The following GPC5 variants were observed in gnomAD, a reference collection of about 807,000 sequenced individuals.
GPC5 encodes glypican-5.
In GPC5, 47 loss-of-function variants were observed where a neutral mutation model predicts 53.9. The ratio of observed to expected loss-of-function variants is 0.87; its 90% CI spans 0.69 to 1.11. GPC5 has a LOEUF of 1.11. GPC5 is among the 50% of genes most tolerant of loss of function. GPC5 has a pLI of 0.00. For synonymous variants in GPC5, 286 were observed against 263.3 expected (o/e 1.09, Z -0.84); for missense variants, 748 against 713.1 (o/e 1.05, Z -0.56).
At chr13:92,214,513 A>G (rs775972439) in intron 7 of GPC5, among the ~76,000 whole-genome samples, 4 of 152,290 alleles carry the variant, frequency 2.6e-5, no homozygotes, top group Admixed American at 6.5e-5. Flanking sequence ...TTCAGATACT[A>G]TTCACTAAGA....
chr13:91,506,027 A>G (rs1884921194), intron 2 of GPC5, among the ~76,000 whole-genome samples: 2 of 152,304 alleles, frequency 1.3e-5, no homozygotes, highest in South Asian at 4.1e-4. Flanking sequence ...ATTATGTGAT[A>G]CGGGTTTGCA....
intron 7 of GPC5, among the ~76,000 whole-genome samples, chr13:92,318,354 A>G (rs7997136): frequency 0.49 from 75,013 of 151,932 alleles, 20,860 homozygotes; most frequent in African/African-American, 0.77. Context: ...TTTCCAACAT[A>G]TCATCACTTA....
At chr13:91,893,425 A>G (rs992511118) in intron 5 of GPC5, among the ~76,000 whole-genome samples, 1 of 152,094 alleles carries the variant, frequency 6.6e-6, no homozygotes, top group African/African-American at 2.4e-5. Flanking sequence ...GCATCTGTCT[A>G]AATCAATCTG....
chr13:92,233,363 G>A (rs1182006165), intron 7 of GPC5, among the ~76,000 whole-genome samples: 1 of 152,196 alleles, frequency 6.6e-6, no homozygotes, highest in East Asian at 1.9e-4. Flanking sequence ...AAATATCTGT[G>A]TATTGAGACT....
intron 7 of GPC5, among the ~76,000 whole-genome samples, chr13:92,417,827 G>A (rs1343261201): frequency 1.3e-5 from 2 of 152,160 alleles, no homozygotes; most frequent in Admixed American, 6.5e-5. Context: ...GGAGGTCGAG[G>A]GTGCGGTGAG....
chr13:92,373,213 C>T (rs935892763), intron 7 of GPC5, among the ~76,000 whole-genome samples: 1 of 152,116 alleles, frequency 6.6e-6, no homozygotes, highest in Non-Finnish European at 1.5e-5. Flanking sequence ...ACCTAGAACA[C>T]ATTCTAGTTT....
At chr13:92,664,548 A>G (rs1886507389) in intron 7 of GPC5, among the ~76,000 whole-genome samples, 1 of 152,134 alleles carries the variant, frequency 6.6e-6, no homozygotes. Flanking sequence ...AAAATTATTG[A>G]GTTAATCAGA....
intron 7 of GPC5, among the ~76,000 whole-genome samples, chr13:92,176,727 G>C (rs2042111382): frequency 6.6e-6 from 1 of 152,090 alleles, no homozygotes; most frequent in South Asian, 2.1e-4. Context: ...GCTAGGCCCA[G>C]TGGTTCCTCA....
chr13:91,758,442 C>A (rs2037341085), intron 5 of GPC5, among the ~76,000 whole-genome samples: 1 of 152,004 alleles, frequency 6.6e-6, no homozygotes, highest in Admixed American at 6.6e-5. Flanking sequence ...TCTGAATCTA[C>A]AGCTGCAAGA....
chr13:92,833,933 GGAT>G, intron 7 of GPC5, among the ~76,000 whole-genome samples: 1 of 152,228 alleles, frequency 6.6e-6, no homozygotes, highest in East Asian at 1.9e-4. Flanking sequence ...GAAGAAGTTT[GGAT>G]TTCATCCAAA....
At chr13:92,698,942 C>T (rs183987591) in intron 7 of GPC5, among the ~76,000 whole-genome samples, 207 of 152,178 alleles carry the variant, frequency 1.4e-3, no homozygotes, top group Non-Finnish European at 2.3e-3. Context: ...CAGGATGATG[C>T]TGGTCTCATC....
At chr13:92,179,762 T>C (rs1228256271) in intron 7 of GPC5, among the ~76,000 whole-genome samples, 1 of 152,234 alleles carries the variant, frequency 6.6e-6, no homozygotes, top group Non-Finnish European at 1.5e-5. Context: ...ATGATTTATA[T>C]GATCATAGAA....
chr13:91,551,919 G>A (rs1478543250), intron 2 of GPC5, among the ~76,000 whole-genome samples: 3 of 151,978 alleles, frequency 2.0e-5, no homozygotes, highest in African/African-American at 7.3e-5. Flanking sequence ...TTTAATACTG[G>A]TTAATATATA....
At chr13:92,092,844 A>T (rs1164536335) in intron 6 of GPC5, among the ~76,000 whole-genome samples, 2 of 152,196 alleles carry the variant, frequency 1.3e-5, no homozygotes, top group East Asian at 3.8e-4. Context: ...TAAGAGTGCC[A>T]TAGGATGTTT....
At chr13:92,670,269 A>G (rs1370562331) in intron 7 of GPC5, among the ~76,000 whole-genome samples, 2 of 152,102 alleles carry the variant, frequency 1.3e-5, no homozygotes, top group African/African-American at 4.8e-5. Flanking sequence ...TGCCAAGGAG[A>G]CGAGGCTTGA....
At chr13:92,466,437 A>AT (rs1288365854) in intron 7 of GPC5, among the ~76,000 whole-genome samples, 1 of 152,104 alleles carries the variant, frequency 6.6e-6, no homozygotes, top group South Asian at 2.1e-4. Flanking sequence ...TCTCAGAGAC[A>AT]TTTTTTCATT....
rs118162574 is a variant in GPC5 at position 92,379,495 on chromosome 13, C to T, written c.1561+234506C>T. The stretch of plus-strand genomic sequence containing the variant: ...CTCTCTGTCCTCTGCACGTTAGTTC[C>T]TCTCTCTGTCCTCTGCATGTTAGTT... On this transcript the variant is annotated intron_variant, in intron 7 of 7. Coordinates refer to ENST00000377067, the MANE Select transcript of GPC5 (RefSeq NM_004466.6). Among the ~76,000 whole-genome samples, 1,874 of 152,246 alleles carry T rather than the reference C, an allele frequency of 0.012. 129 individuals carry two copies. In the South Asian group the frequency reaches 0.15, roughly 12 times the overall value.
At chr13:92,528,592 C>A (rs1881444322) in intron 7 of GPC5, among the ~76,000 whole-genome samples, 1 of 151,898 alleles carries the variant, frequency 6.6e-6, no homozygotes, top group East Asian at 1.9e-4. Context: ...TAGTATATTT[C>A]TTGATGAAGT....
chr13:91,486,997 G>A (rs1452144217), intron 2 of GPC5: 2 of 152,184 alleles, frequency 1.3e-5, no homozygotes, highest in Non-Finnish European at 2.9e-5. Flanking sequence ...GGGAATTGAA[G>A]CTTGTATGGG....
Sources: allele counts gnomAD v4.1 joint callset (sites outside exome capture counted in the v4.1 genomes callset), GRCh38; gene constraint gnomAD v4.1.1; transcripts MANE v1.5; gene names NCBI Gene and HGNC (gene_info 2026-07-23, HGNC 2026-07-21).